KIF3B: variants seen among roughly 807,000 people sequenced by gnomAD.
KIF3B encodes kinesin-like protein KIF3B.
Under a neutral mutation model 74.3 loss-of-function variants are expected in KIF3B, and 38 were observed. The observed-to-expected ratio is 0.51, with a 90% confidence interval of 0.39 to 0.67. The LOEUF is 0.67. KIF3B is among the 30% of genes least tolerant of loss of function. KIF3B has a pLI of 0.00. For missense variants in KIF3B, 649 were observed against 932.0 expected, an observed-to-expected ratio of 0.70 and a Z score of 3.95; for synonymous variants, 326 against 342.5, an observed-to-expected ratio of 0.95 and a Z score of 0.53.
Position 32,286,718 on chromosome 20 carries a change from C to T in KIF3B, c.-66+8953C>T, listed in dbSNP as rs560377873. 5.9e-5 allele frequency among the ~76,000 whole-genome samples: 9 copies of T among 152,120 alleles called. 1 individual carries two copies. The South Asian group carries it at 1.7e-3, about 28-fold the overall frequency. ...TTTACTGTCCATATACAAATGTATTCCTAAATACATTTTATCTCATAGGCT... is the reference window on the plus strand; with the variant it reads ...TTTACTGTCCATATACAAATGTATTTCTAAATACATTTTATCTCATAGGCT... On this transcript the variant is annotated intron_variant, in intron 1 of 8. Transcript: ENST00000375712.
chr20:32,300,710 A>G (rs1600423429), intron 1 of KIF3B, among the ~76,000 whole-genome samples: 1 of 152,176 alleles, frequency 6.6e-6, no homozygotes, highest in Admixed American at 6.6e-5. Context: ...CACTGCATCC[A>G]GCCTGTTTCT....
chr20:32,290,618 C>A (rs1401339811), intron 1 of KIF3B, among the ~76,000 whole-genome samples: 1 of 152,146 alleles, frequency 6.6e-6, no homozygotes, highest in African/African-American at 2.4e-5. Context: ...CGCCTGTAAT[C>A]CCAGCACTTT....
Position 32,327,578 on chromosome 20 carries a change from C to A in KIF3B, c.1885C>A (p.Pro629Thr). The stretch of plus-strand genomic sequence containing the variant: ...CAGGAACCAGCAGATGATGAAGCGG[C>A]CAGTCTCAGCCGTGGGATATAAGAG... The part of the protein sequence containing the change: ...RLENQQMMKR[P>T]VSAVGYKRPL... The change falls in exon 7 of 9, where the codon CCA (proline) becomes ACA (threonine). Residue 629 changes from proline (P) to threonine (T), a missense_variant. Physicochemically the swap from Pro to Thr is conservative, Grantham distance 38 (BLOSUM62 -1). Transcript: ENST00000375712. 3 of 1,613,330 alleles carry A rather than the reference C, an allele frequency of 1.9e-6. No individual in the cohort carries two copies. Among genetic ancestry groups the A allele is most frequent in the Non-Finnish European group, 2.5e-6 (3 of 1,179,616 alleles).
At chr20:32,308,825 C>G (rs2047785470) in intron 1 of KIF3B, among the ~76,000 whole-genome samples, 1 of 151,438 alleles carries the variant, frequency 6.6e-6, no homozygotes, top group South Asian at 2.1e-4. Flanking sequence ...ACGCCATTCT[C>G]CTGCCTCAGC....
Position 32,277,681 on chromosome 20 carries a change from A to G in KIF3B, c.-150A>G. The G allele has an allele frequency of 4.1e-6, 1 of 245,956 alleles. No homozygotes were observed. Among genetic ancestry groups the G allele is most frequent in the Non-Finnish European group, 7.5e-6 (1 of 133,438 alleles). 15.2% of individuals were successfully genotyped at this position (245,956 alleles called of 1,614,324 possible). A position where few individuals can be genotyped will look rare whatever the true frequency, so the allele number is the denominator to read the frequency against. ...CTCTCCCCATCCGGGGCAGCGGGGA[A>G]TGGCTGAGCCAGGGGTTCGCCGCCC... is the stretch of plus-strand genomic sequence containing the variant. On this transcript the variant is annotated 5_prime_UTR_variant, in exon 1 of 9. The change abolishes an upstream ATG in the 5' untranslated region. Coordinates refer to ENST00000375712, the MANE Select transcript of KIF3B (RefSeq NM_004798.4).
At chr20:32,286,247 G>C (rs765706879) in intron 1 of KIF3B, among the ~76,000 whole-genome samples, 1 of 152,160 alleles carries the variant, frequency 6.6e-6, no homozygotes, top group Non-Finnish European at 1.5e-5. Context: ...GGAAGGGCTT[G>C]CTTGGCCTTT....
At chr20:32,329,332 C>G (rs375452455) in intron 7 of KIF3B, among the ~76,000 whole-genome samples, 3 of 151,342 alleles carry the variant, frequency 2.0e-5, no homozygotes, top group African/African-American at 7.3e-5. Context: ...CGTGAGCCAC[C>G]GCACTGGCCT....
rs1305973979 is a variant in KIF3B, at chr20:32,334,867, G to A, written c.*3548G>A. ...TTGACCTTCTCTTTGGCTACCTTTAGACAAAGAATACGCCAATCAATACTT... is the reference window on the plus strand; with the variant it reads ...TTGACCTTCTCTTTGGCTACCTTTAAACAAAGAATACGCCAATCAATACTT... On this transcript the variant is annotated 3_prime_UTR_variant, in exon 9 of 9. Transcript: ENST00000375712. 6.6e-6 allele frequency: 1 copy of A among 152,484 alleles called. No homozygotes were observed. Among genetic ancestry groups the A allele is most frequent in the East Asian group, 1.9e-4 (1 of 5,194 alleles). 9.4% of individuals were successfully genotyped at this position (152,484 alleles called of 1,614,324 possible). A position where few individuals can be genotyped will look rare whatever the true frequency, so the allele number is the denominator to read the frequency against.
chr20:32,326,191 C>T (rs2047903138), intron 5 of KIF3B, among the ~76,000 whole-genome samples: 1 of 152,116 alleles, frequency 6.6e-6, no homozygotes. Context: ...GATGTGTTTC[C>T]TGGGCACTTG....
chr20:32,317,010 C>G lies in KIF3B; in HGVS notation c.1748+136C>G, dbSNP rs1057145786. 21 of 671,538 alleles carry G rather than the reference C, an allele frequency of 3.1e-5. No homozygotes were observed. In the African/African-American group the frequency reaches 3.8e-4, roughly 12 times the overall value. The allele number at this position is 671,538 out of a possible 1,614,324, so 41.6% of individuals were successfully genotyped here. A position where few individuals can be genotyped will look rare whatever the true frequency, so the allele number is the denominator to read the frequency against. Reference sequence around the variant, plus strand: ...CAGTGTTTTGGGAAGCGGAGGCGGGCAGATCACCTGATGTCAGGAGTTCGA... The same window carrying G: ...CAGTGTTTTGGGAAGCGGAGGCGGGGAGATCACCTGATGTCAGGAGTTCGA... On this transcript the variant is annotated intron_variant, in intron 5 of 8. Coordinates refer to ENST00000375712, the MANE Select transcript of KIF3B (RefSeq NM_004798.4).
At position 32,295,970 on chromosome 20, in the gene KIF3B, T is replaced by A. The variant is rs140777151; in HGVS notation, c.-65-13743T>A. Reference sequence around the variant, plus strand: ...ACCTCTGCCTCCCGGGTTTGAGTGATTCTTCTGTCTCAGCCTCCCAAGTAG... The same window carrying A: ...ACCTCTGCCTCCCGGGTTTGAGTGAATCTTCTGTCTCAGCCTCCCAAGTAG... On this transcript the variant is annotated intron_variant, in intron 1 of 8. Transcript: ENST00000375712. 3.0e-3 allele frequency among the ~76,000 whole-genome samples: 452 copies of A among 151,656 alleles called. 1 individual carries two copies. Among genetic ancestry groups the A allele is most frequent in the African/African-American group, 0.011 (435 of 41,338 alleles).
chr20:32,301,840 G>C (rs948503348), intron 1 of KIF3B, among the ~76,000 whole-genome samples: 1 of 152,224 alleles, frequency 6.6e-6, no homozygotes. Context: ...CAGCTAGCAA[G>C]GTGAGGATGC....
chr20:32,299,428 T>TTTTTTTTTTTTA (rs2047732851), intron 1 of KIF3B, among the ~76,000 whole-genome samples: 1 of 125,674 alleles, frequency 8.0e-6, no homozygotes, highest in Non-Finnish European at 1.6e-5. Context: ...TTTTTTTTTT[T>TTTTTTTTTTTTA]GAGACAGAGT....
At chr20:32,283,821 AT>A (rs900300605) in intron 1 of KIF3B, among the ~76,000 whole-genome samples, 42 of 152,262 alleles carry the variant, frequency 2.8e-4, no homozygotes, top group African/African-American at 1.0e-3. Context: ...AAAAAAAGAA[AT>A]TTGTAGAGAC....
At chr20:32,299,910 T>C (rs979524174) in intron 1 of KIF3B, among the ~76,000 whole-genome samples, 1 of 151,960 alleles carries the variant, frequency 6.6e-6, no homozygotes, top group African/African-American at 2.4e-5. Flanking sequence ...TGCCTCAGCC[T>C]CCCAAGTACT....
chr20:32,320,887 T>TA (rs1408993239), intron 5 of KIF3B, among the ~76,000 whole-genome samples: 1 of 152,148 alleles, frequency 6.6e-6, no homozygotes. Flanking sequence ...TTTTGGGTGT[T>TA]ATGAATAATG....
At chr20:32,292,011 C>T (rs1276408940) in intron 1 of KIF3B, among the ~76,000 whole-genome samples, 1 of 152,010 alleles carries the variant, frequency 6.6e-6, no homozygotes, top group Non-Finnish European at 1.5e-5. Flanking sequence ...AACTCTTAGG[C>T]GGCTCAAGCA....
rs142727710 is a variant in KIF3B at position 32,310,487 on chromosome 20, G to A, written c.710G>A (p.Arg237His). 7.1e-5 allele frequency: 115 copies of A among 1,613,714 alleles called. No homozygotes were observed. Among genetic ancestry groups the A allele is most frequent in the Admixed American group, 1.2e-4 (7 of 59,998 alleles). ...EVGLDGENHI[R>H]VGKLNLVDLA... is the part of the protein sequence containing the mutation. ...GGCCTCGATGGTGAAAACCACATCC[G>A]TGTAGGAAAATTGAACCTTGTAGAT... is the stretch of plus-strand genomic sequence containing the variant. Residue 237 changes from arginine (R) to histidine (H), a missense_variant, in exon 2 of 9, where the codon CGT (arginine) becomes CAT (histidine). Arg to His is a conservative substitution (Grantham distance 29). Coordinates refer to ENST00000375712, the MANE Select transcript of KIF3B (RefSeq NM_004798.4). The surrounding 1 kb of genome is among the most constrained non-coding windows in gnomAD (Gnocchi z 6.5).
At position 32,310,545 on chromosome 20, in the gene KIF3B, C is replaced by T. The variant is rs200496440; in HGVS notation, c.768C>T (p.Gly256=). 28 of 1,613,858 alleles carry T rather than the reference C, an allele frequency of 1.7e-5. No homozygotes were observed. The highest frequency in any genetic ancestry group is 1.1e-4 in the African/African-American group (8 of 74,904). Residue 256 remains glycine, a synonymous_variant, in exon 2 of 9, where the codon GGC becomes GGT. Transcript: ENST00000375712. The surrounding 1 kb of genome is among the most constrained non-coding windows in gnomAD (Gnocchi z 6.5). ...GCAGCGAACGGCAAGCCAAGACCGG[C>T]GCACAAGGGGAGAGATTAAAAGAAG... ...LAGSERQAKT[G]AQGERLKEAT...
Sources: allele counts gnomAD v4.1 joint callset (sites outside exome capture counted in the v4.1 genomes callset), GRCh38; gene constraint gnomAD v4.1.1; non-coding constraint Gnocchi (gnomAD v3.1); transcripts MANE v1.5; gene names NCBI Gene and HGNC (gene_info 2026-07-23, HGNC 2026-07-21).